Variants in LMO1 observed in about 807,000 individuals in gnomAD.
LMO1 encodes rhombotin-1.
Under a neutral mutation model 18.0 loss-of-function variants are expected in LMO1, and 10 were observed. That is an observed-to-expected ratio of 0.55 (90% confidence interval 0.34 to 0.94). The LOEUF (loss-of-function observed/expected upper bound fraction) is 0.94, where lower values mean the gene tolerates loss of function less well. Among genes scored for constraint, LMO1 ranks in the 40% least tolerant of loss-of-function variants. The probability of loss-of-function intolerance (pLI) is 0.02; values close to 1 mark genes in which losing one functional copy is unlikely to be tolerated. For missense variants in LMO1, 183 were observed against 205.7 expected (o/e 0.89, Z 0.68); for synonymous variants, 77 against 77.9 (o/e 0.99, Z 0.06).
At chr11:8,225,084 A>G (rs911560136) in intron 3 of LMO1, among the ~76,000 whole-genome samples, 1 of 152,074 alleles carries the variant, frequency 6.6e-6, no homozygotes, top group South Asian at 2.1e-4. Flanking sequence ...GGAAAGCACA[A>G]ACAGAAAAAG....
chr11:8,263,682 G>A lies in LMO1; in HGVS notation c.-320C>T, dbSNP rs1187155713. ...TTCTTTGATTCTCACCTTCTAAATG[G>A]CTCAATTTGCCCAGTATAATCTGTC... is the stretch of plus-strand genomic sequence containing the variant. On this transcript the variant is annotated 5_prime_UTR_variant, in exon 1 of 4. Coordinates refer to ENST00000335790, the MANE Select transcript of LMO1 (RefSeq NM_002315.3). The A allele has an allele frequency of 3.2e-6, 4 of 1,265,690 alleles. No homozygotes were observed. The highest frequency in any genetic ancestry group is 4.0e-6 in the Non-Finnish European group (4 of 1,006,064). The allele number at this position is 1,265,690 out of a possible 1,614,324, so 78.4% of individuals were successfully genotyped here. A position where few individuals can be genotyped will look rare whatever the true frequency, so the allele number is the denominator to read the frequency against.
intron 3 of LMO1, 62 bp from the exon 4 acceptor site, chr11:8,224,783 G>T (rs1952504385): frequency 1.9e-6 from 2 of 1,058,248 alleles, no homozygotes; most frequent in African/African-American, 1.6e-5. Flanking sequence ...GGGGGGGGCT[G>T]CAGACAGAAG....
chr11:8,252,921 C>T lies in LMO1; in HGVS notation c.25+10417G>A, dbSNP rs138601341. Among the ~76,000 whole-genome samples the T allele has an allele frequency of 5.1e-3, 774 of 152,346 alleles. 3 individuals are homozygous for T. The highest frequency in any genetic ancestry group is 0.017 in the Middle Eastern group (5 of 294). On this transcript the variant is annotated intron_variant, in intron 1 of 3. Transcript: ENST00000335790. ...TTGGAATGTGTGTTGGAATGTGTTACGCAGCTGTAGATAATTAATACACTG... is the reference window on the plus strand; with the variant it reads ...TTGGAATGTGTGTTGGAATGTGTTATGCAGCTGTAGATAATTAATACACTG...
intron 1 of LMO1, among the ~76,000 whole-genome samples, chr11:8,236,175 G>A (rs1432560471): frequency 6.6e-6 from 1 of 151,548 alleles, no homozygotes; most frequent in Non-Finnish European, 1.5e-5. Context: ...GAGCCCTGGA[G>A]GCAAGTGTAG....
chr11:8,238,400 G>A (rs1036710655), intron 1 of LMO1, among the ~76,000 whole-genome samples: 4 of 152,166 alleles, frequency 2.6e-5, no homozygotes, highest in African/African-American at 9.7e-5. Flanking sequence ...GGATGGGCGC[G>A]GTGGCTCACG....
intron 1 of LMO1, among the ~76,000 whole-genome samples, chr11:8,231,645 G>A (rs116277530): frequency 6.6e-6 from 1 of 152,138 alleles, no homozygotes; most frequent in Admixed American, 6.5e-5. Context: ...TGACCAAGGC[G>A]CAGCTGGATA....
intron 1 of LMO1, among the ~76,000 whole-genome samples, chr11:8,251,705 G>C (rs914575628): frequency 2.6e-5 from 4 of 152,022 alleles, no homozygotes; most frequent in Admixed American, 2.0e-4. Flanking sequence ...GTGTCTGCCT[G>C]TGCAGGTAGG....
chr11:8,254,546 C>T (rs1435124058), intron 1 of LMO1, among the ~76,000 whole-genome samples: 11 of 148,702 alleles, frequency 7.4e-5, no homozygotes, highest in African/African-American at 2.4e-4. Context: ...TCCTTTCAAG[C>T]CGTCTAGTGG....
rs536865069 is a variant in LMO1 at position 8,225,482 on chromosome 11, G to A, written c.366-761C>T. ...GATAAAATGGTTGTTTTTTCCATCC[G>A]TCTATCCCTCTCCCCAATTTAAGAG... On this transcript the variant is annotated intron_variant, in intron 3 of 3. Transcript: ENST00000335790. 8.0e-4 allele frequency among the ~76,000 whole-genome samples: 118 copies of A among 147,398 alleles called. No homozygotes were observed. The South Asian group carries it at 0.012, about 15-fold the overall frequency.
Position 8,263,338 on chromosome 11 carries a change from C to A in LMO1, c.25G>T (p.Gly9Cys), listed in dbSNP as rs889926652. Residue 9 changes from glycine (G) to cysteine (C), a missense_variant and splice_region_variant, in exon 1 of 4, where the codon GGC becomes TGC. By Grantham distance (159) the Gly-to-Cys change is radical (BLOSUM62 -3). Coordinates refer to ENST00000335790, the MANE Select transcript of LMO1 (RefSeq NM_002315.3). MMVLDKED[G>C]VPMLSVQPKG... ...GTCGAGACCCCGGCCCGCCACCTAC[C>A]GTCCTCCTTGTCCAGCACCATCATC... is the stretch of plus-strand genomic sequence containing the variant. The A allele has an allele frequency of 2.5e-6, 4 of 1,601,764 alleles. No individual in the cohort carries two copies. The highest frequency in any genetic ancestry group is 3.4e-6 in the Non-Finnish European group (4 of 1,177,950).
chr11:8,247,041 C>T (rs1846906896), intron 1 of LMO1, among the ~76,000 whole-genome samples: 1 of 152,256 alleles, frequency 6.6e-6, no homozygotes, highest in East Asian at 1.9e-4. Context: ...CATCACTCTC[C>T]TTGGCCCATC....
chr11:8,247,405 G>A (rs1846913544), intron 1 of LMO1, among the ~76,000 whole-genome samples: 2 of 152,190 alleles, frequency 1.3e-5, no homozygotes, highest in Admixed American at 1.3e-4. Flanking sequence ...TGAAGGGGGA[G>A]AGCACCATGC....
intron 1 of LMO1, among the ~76,000 whole-genome samples, chr11:8,255,950 T>C (rs191905794): frequency 0.026 from 3,935 of 149,462 alleles, 86 homozygotes; most frequent in Middle Eastern, 0.045. Flanking sequence ...CTCAGCCTCC[T>C]GAGTAGCTGG....
chr11:8,238,209 T>A (rs1343821252), intron 1 of LMO1, among the ~76,000 whole-genome samples: 3 of 152,194 alleles, frequency 2.0e-5, no homozygotes, highest in Non-Finnish European at 4.4e-5. Context: ...ATTCGTACAA[T>A]GGAATAGTAT....
At chr11:8,228,496 A>G (rs1323354058) in intron 2 of LMO1, among the ~76,000 whole-genome samples, 2 of 152,172 alleles carry the variant, frequency 1.3e-5, no homozygotes, top group African/African-American at 4.8e-5. Context: ...GCCTGCCAAG[A>G]GGGGCTTTTC....
At chr11:8,225,151 C>T (rs1952512042) in intron 3 of LMO1, among the ~76,000 whole-genome samples, 3 of 151,720 alleles carry the variant, frequency 2.0e-5, no homozygotes, top group African/African-American at 4.8e-5. Flanking sequence ...TGGTGGCTCA[C>T]ACCTGTAATC....
Position 8,263,819 on chromosome 11 carries a change from T to G in LMO1, c.-457A>C. On this transcript the variant is annotated 5_prime_UTR_variant, in exon 1 of 4. Coordinates refer to ENST00000335790, the MANE Select transcript of LMO1 (RefSeq NM_002315.3). ...TAATCTGAATCTCAATCTAAAATTA[T>G]ATTCAAAGAGATGGGGGAATCTCGT... The G allele has an allele frequency of 9.4e-7, 1 of 1,060,508 alleles. No individual in the cohort carries two copies. Among genetic ancestry groups the G allele is most frequent in the Non-Finnish European group, 1.1e-6 (1 of 876,874 alleles). The allele number at this position is 1,060,508 out of a possible 1,614,324, so 65.7% of individuals were successfully genotyped here.
At chr11:8,237,020 CAAGT>C (rs1328520113) in intron 1 of LMO1, among the ~76,000 whole-genome samples, 1 of 152,170 alleles carries the variant, frequency 6.6e-6, no homozygotes, top group Non-Finnish European at 1.5e-5. Context: ...ACAAAACCCG[CAAGT>C]AAGAGGCCTG....
At chr11:8,241,319 T>C (rs1337342959) in intron 1 of LMO1, among the ~76,000 whole-genome samples, 2 of 152,256 alleles carry the variant, frequency 1.3e-5, no homozygotes, top group African/African-American at 4.8e-5. Context: ...CGTCTCTCGA[T>C]GCACTGCCAG....
Sources: gnomAD v4.1 joint callset for allele counts (sites outside exome capture counted in the v4.1 genomes callset) on GRCh38, gnomAD v4.1.1 for gene constraint, MANE v1.5 for transcripts, NCBI Gene and HGNC (gene_info 2026-07-23, HGNC 2026-07-21) for gene names.